Variants in SLC67A2 observed in about 807,000 individuals in gnomAD.
SLC67A2 encodes the protein solute carrier family 67 member 2.
chr2:102,728,132 A>G, the SLC67A2 span, among the ~76,000 whole-genome samples: 3 of 138,548 alleles, frequency 2.2e-5, no homozygotes, highest in Non-Finnish European at 3.3e-5. Context: ...GCAATGTTTG[A>G]AAAAAAAAAG....
At chr2:102,719,166 T>G in the SLC67A2 span, 42 of 1,613,642 alleles carry the variant, frequency 2.6e-5, no homozygotes, top group Non-Finnish European at 2.9e-5. Context: ...TTCTCTGTAC[T>G]GCCCGGTTTT....
chr2:102,725,711 G>A, the SLC67A2 span, among the ~76,000 whole-genome samples: 1 of 9,660 alleles, frequency 1.0e-4, no homozygotes, highest in African/African-American at 3.7e-4. Context: ...AAGAATGTTG[G>A]GGGGGCTGAA....
chr2:102,730,922 C>T, the SLC67A2 span: 7 of 912,366 alleles, frequency 7.7e-6, no homozygotes, highest in Middle Eastern at 2.4e-4. Flanking sequence ...GAACATATTA[C>T]AATTTAAAGG....
the SLC67A2 span, among the ~76,000 whole-genome samples, chr2:102,726,393 G>A: frequency 1.3e-5 from 2 of 152,148 alleles, no homozygotes; most frequent in Non-Finnish European, 2.9e-5. Context: ...GATCATTCAC[G>A]CTGACAGGCT....
At chr2:102,736,840 A>T in the SLC67A2 span, 78 of 1,578,978 alleles carry the variant, frequency 4.9e-5, no homozygotes, top group African/African-American at 8.9e-4. Flanking sequence ...CGGACGCAGC[A>T]GCAGCCGCGG....
At chr2:102,736,787 G>A in the SLC67A2 span, 31 of 1,612,928 alleles carry the variant, frequency 1.9e-5, no homozygotes, top group Admixed American at 4.3e-4. Context: ...CCGAGTTCAT[G>A]TCCCAGTGAC....
At chr2:102,732,045 TCC>T in the SLC67A2 span, 3 of 570,722 alleles carry the variant, frequency 5.3e-6, no homozygotes, top group East Asian at 1.2e-4. Flanking sequence ...CACAGCCAGC[TCC>T]TTGCAGAGGC....
the SLC67A2 span, chr2:102,732,503 C>G: frequency 9.5e-7 from 1 of 1,054,218 alleles, no homozygotes; most frequent in Non-Finnish European, 1.4e-6. Flanking sequence ...AAACCAATAT[C>G]TAAAATTTTA....
the SLC67A2 span, among the ~76,000 whole-genome samples, chr2:102,727,677 C>T: frequency 6.6e-6 from 1 of 152,166 alleles, no homozygotes; most frequent in African/African-American, 2.4e-5. Flanking sequence ...AGAACAAACC[C>T]CTAGAACTGG....
chr2:102,735,842 G>GCC, the SLC67A2 span, among the ~76,000 whole-genome samples: 4 of 78,738 alleles, frequency 5.1e-5, no homozygotes, highest in Admixed American at 2.3e-4. Context: ...GGACACGCGC[G>GCC]CGCGCACACA....
chr2:102,726,709 C>T, the SLC67A2 span: 1 of 1,320,016 alleles, frequency 7.6e-7, no homozygotes, highest in South Asian at 1.6e-5. Flanking sequence ...GCACGGCTCC[C>T]TTCTGAACAC....
chr2:102,727,571 G>T, the SLC67A2 span, among the ~76,000 whole-genome samples: 1 of 152,236 alleles, frequency 6.6e-6, no homozygotes, highest in South Asian at 2.1e-4. Context: ...AGTTTTGTTA[G>T]ATTTTTGCTC....
the SLC67A2 span, chr2:102,736,503 G>C: frequency 1.7e-5 from 26 of 1,558,298 alleles, no homozygotes; most frequent in Admixed American, 2.8e-4. Flanking sequence ...GGCAAGAGGA[G>C]AGCTTGATAG....
At chr2:102,736,834 CGCA>C in the SLC67A2 span, 1 of 1,584,846 alleles carries the variant, frequency 6.3e-7, no homozygotes, top group Non-Finnish European at 8.6e-7. Flanking sequence ...GGGGGTCGGA[CGCA>C]GCAGCAGCCG....
At chr2:102,722,624 A>C in the SLC67A2 span, among the ~76,000 whole-genome samples, 1 of 152,248 alleles carries the variant, frequency 6.6e-6, no homozygotes, top group Non-Finnish European at 1.5e-5. Flanking sequence ...ACTTAAATAG[A>C]TTAAAGATAA....
At chr2:102,731,216 A>G in the SLC67A2 span, 1 of 580,246 alleles carries the variant, frequency 1.7e-6, no homozygotes, top group African/African-American at 1.9e-5. Flanking sequence ...TTTTTTTTCT[A>G]CTTGGAAAAA....
At chr2:102,734,931 C>A in the SLC67A2 span, among the ~76,000 whole-genome samples, 2 of 152,184 alleles carry the variant, frequency 1.3e-5, no homozygotes, top group African/African-American at 4.8e-5. Flanking sequence ...AATTCTAAGT[C>A]AAATTCTCTG....
the SLC67A2 span, chr2:102,736,775 G>A: frequency 2.5e-6 from 4 of 1,613,524 alleles, no homozygotes; most frequent in Middle Eastern, 1.7e-4. Context: ...CCAGCCTCGG[G>A]GCCGAGTTCA....
chr2:102,731,404 A>C, the SLC67A2 span, among the ~76,000 whole-genome samples: 703 of 152,296 alleles, frequency 4.6e-3, 9 homozygotes, highest in African/African-American at 0.016. Flanking sequence ...CAGCATAGAG[A>C]GTACTCAGGG....
Sources: allele counts gnomAD v4.1 joint callset (sites outside exome capture counted in the v4.1 genomes callset), GRCh38; gene constraint gnomAD v4.1.1; transcripts MANE v1.5; gene names NCBI Gene and HGNC (gene_info 2026-07-23, HGNC 2026-07-21).